Variants in CA9 observed in about 807,000 individuals in gnomAD.
CA9 encodes the protein carbonic anhydrase 9, also known as CA-IX.
Under a neutral mutation model 51.8 loss-of-function variants are expected in CA9, and 43 were observed. The observed-to-expected ratio is 0.83, with a 90% confidence interval of 0.65 to 1.07. The LOEUF (loss-of-function observed/expected upper bound fraction) is 1.07, where lower values mean the gene tolerates loss of function less well. Ranked by LOEUF, CA9 falls within the 50% of genes least tolerant of loss-of-function variation. CA9 has a pLI of 0.00. For synonymous variants in CA9, 253 were observed against 244.2 expected, an observed-to-expected ratio of 1.04 and a Z score of -0.34; for missense variants, 574 against 581.4, an observed-to-expected ratio of 0.99 and a Z score of 0.13.
Position 35,679,206 on chromosome 9 carries a change from G to A in CA9, c.929G>A (p.Gly310Glu). 6.2e-7 allele frequency: 1 copy of A among 1,614,106 alleles called. No individual in the cohort carries two copies. The highest frequency in any genetic ancestry group is 8.5e-7 in the Non-Finnish European group (1 of 1,180,018). ...AEEGSETQVP[G>E]LDISALLPSD... ...ACAGGCTCAGAGACTCAGGTCCCAG[G>A]ACTGGACATATCTGCACTCCTGCCC... is the stretch of plus-strand genomic sequence containing the variant. Residue 310 changes from glycine to glutamate, a missense_variant, in exon 7 of 11, where the codon GGA becomes GAA. Gly to Glu is a moderately conservative substitution (Grantham distance 98). Coordinates refer to ENST00000378357, the MANE Select transcript of CA9 (RefSeq NM_001216.3).
Position 35,676,087 on chromosome 9 carries a change from C to A in CA9, c.628C>A (p.Leu210Ile). The A allele has an allele frequency of 1.2e-6, 2 of 1,613,604 alleles. No homozygotes were observed. The highest frequency in any genetic ancestry group is 1.7e-6 in the Non-Finnish European group (2 of 1,179,874). The stretch of plus-strand genomic sequence containing the variant: ...AGTGCAACTGACCCTGCCTCCTGGG[C>A]TAGAGATGGCTCTGGGTCCCGGGCG... The part of the protein sequence containing the change: ...HSVQLTLPPG[L>I]EMALGPGREY... Residue 210 changes from leucine to isoleucine, a missense_variant, in exon 4 of 11, where the codon CTA (leucine) becomes ATA (isoleucine). Transcript: ENST00000378357.
chr9:35,679,118 T>A (rs1262681820), intron 6 of CA9, 67 bp from the exon 7 acceptor site: 1 of 1,557,554 alleles, frequency 6.4e-7, no homozygotes, highest in Non-Finnish European at 8.8e-7. Context: ...TGAAACTGTA[T>A]CCCTATACCC....
rs370421738 is a variant in CA9, at chr9:35,673,931, G to A, written c.-29G>A. The A allele has an allele frequency of 1.2e-5, 19 of 1,564,342 alleles. No individual in the cohort carries two copies. The highest frequency in any genetic ancestry group is 1.7e-4 in the Middle Eastern group (1 of 5,840). On this transcript the variant is annotated 5_prime_UTR_variant, in exon 1 of 11. It adds an upstream start codon to the 5' untranslated region. Coordinates refer to ENST00000378357, the MANE Select transcript of CA9 (RefSeq NM_001216.3). Reference sequence around the variant, plus strand: ...AATGCACGTACAGCCCGTACACACCGTGTGCTGGGACACCCCACAGTCAGC... The same window carrying A: ...AATGCACGTACAGCCCGTACACACCATGTGCTGGGACACCCCACAGTCAGC...
Position 35,676,053 on chromosome 9 carries a change from T to TC in CA9, c.605-8dup. The TC allele has an allele frequency of 6.2e-7, 1 of 1,612,790 alleles. No individual in the cohort carries two copies. Among genetic ancestry groups the TC allele is most frequent in the Non-Finnish European group, 8.5e-7 (1 of 1,179,682 alleles). ...CGGGCGGGGCCGGCTCACTTGCCTC[T>TC]CCCTACGCAGTGCAACTGACCCTGC... On this transcript the variant is annotated splice_polypyrimidine_tract_variant and intron_variant, in intron 3 of 10. Coordinates refer to ENST00000378357, the MANE Select transcript of CA9 (RefSeq NM_001216.3).
At position 35,681,082 on chromosome 9, in the gene CA9, T is replaced by C. The variant is rs1278535787; in HGVS notation, c.*57T>C. ...CCAGAGGCATCTGAGGGGGAGCCGGTAACTGTCCTGTCCTGCTCATTATGC... is the reference window on the plus strand; with the variant it reads ...CCAGAGGCATCTGAGGGGGAGCCGGCAACTGTCCTGTCCTGCTCATTATGC... On this transcript the variant is annotated 3_prime_UTR_variant, in exon 11 of 11. Transcript: ENST00000378357. The C allele has an allele frequency of 6.8e-7, 1 of 1,478,392 alleles. No homozygotes were observed. The highest frequency in any genetic ancestry group is 2.3e-5 in the East Asian group (1 of 44,260). 91.6% of individuals were successfully genotyped at this position (1,478,392 alleles called of 1,614,324 possible). A position where few individuals can be genotyped will look rare whatever the true frequency, so the allele number is the denominator to read the frequency against.
chr9:35,681,103 T>C lies in CA9; in HGVS notation c.*78T>C. The C allele has an allele frequency of 9.1e-7, 1 of 1,101,254 alleles. No homozygotes were observed. Among genetic ancestry groups the C allele is most frequent in the Non-Finnish European group, 1.3e-6 (1 of 780,266 alleles). The allele number at this position is 1,101,254 out of a possible 1,614,324, so 68.2% of individuals were successfully genotyped here. ...CCGGTAACTGTCCTGTCCTGCTCAT[T>C]ATGCCACTTCCTTTTAACTGCCAAG... On this transcript the variant is annotated 3_prime_UTR_variant, in exon 11 of 11. Coordinates refer to ENST00000378357, the MANE Select transcript of CA9 (RefSeq NM_001216.3).
chr9:35,675,770 C>T lies in CA9; in HGVS notation c.443C>T (p.Pro148Leu). 3 of 1,602,276 alleles carry T rather than the reference C, an allele frequency of 1.9e-6. No individual in the cohort carries two copies. In the South Asian group the frequency reaches 3.3e-5, roughly 18 times the overall value. Residue 148 changes from proline to leucine, a missense_variant, in exon 3 of 11, where the codon CCC becomes CTC. Coordinates refer to ENST00000378357, the MANE Select transcript of CA9 (RefSeq NM_001216.3). ...QSHWRYGGDPPWPRVSPACAG... is the reference protein window; with the variant it reads ...QSHWRYGGDPLWPRVSPACAG... ...TACTCTCCCACCCCAGGCGACCCGC[C>T]CTGGCCCCGGGTGTCCCCAGCCTGC...
In CA9 at chr9:35,680,982, G is replaced by A. The variant is rs201567832; in HGVS notation, c.1337G>A (p.Gly446Asp). 1.2e-6 allele frequency: 2 copies of A among 1,614,092 alleles called. No homozygotes were observed. Among genetic ancestry groups the A allele is most frequent in the East Asian group, 2.2e-5 (1 of 44,884 alleles). ...RRQHRRGTKGGVSYRPAEVAE... is the reference protein window; with the variant it reads ...RRQHRRGTKGDVSYRPAEVAE... ...ACACACAGAAGGGGAACCAAAGGGGGTGTGAGCTACCGCCCAGCAGAGGTA... is the reference window on the plus strand; with the variant it reads ...ACACACAGAAGGGGAACCAAAGGGGATGTGAGCTACCGCCCAGCAGAGGTA... Residue 446 changes from glycine (G) to aspartate (D), a missense_variant, in exon 11 of 11, where the codon GGT (glycine) becomes GAT (aspartate). Gly to Asp is a moderately conservative substitution (Grantham distance 94, BLOSUM62 -1). Coordinates refer to ENST00000378357, the MANE Select transcript of CA9 (RefSeq NM_001216.3).
At chr9:35,680,667 G>T in intron 9 of CA9, 86 bp from the exon 10 acceptor site, 1 of 1,078,732 alleles carries the variant, frequency 9.3e-7, no homozygotes, top group Non-Finnish European at 1.4e-6. Flanking sequence ...CGGGGCAGGG[G>T]TGGTGGAGTG....
At chr9:35,678,700 C>CTTTTTTTTTTTTT (rs71800585) in intron 6 of CA9, among the ~76,000 whole-genome samples, 3 of 131,966 alleles carry the variant, frequency 2.3e-5, no homozygotes, top group Non-Finnish European at 4.7e-5. Flanking sequence ...CTTTTCTTTT[C>CTTTTTTTTTTTTT]TTTTTTTTTT....
chr9:35,681,001 A>T lies in CA9; in HGVS notation c.1356A>T (p.Ala452=). The T allele has an allele frequency of 6.2e-7, 1 of 1,614,058 alleles. No individual in the cohort carries two copies. Among genetic ancestry groups the T allele is most frequent in the Admixed American group, 1.7e-5 (1 of 60,008 alleles). The change falls in exon 11 of 11, where the codon GCA becomes GCT. Residue 452 remains alanine (A), a synonymous_variant. Coordinates refer to ENST00000378357, the MANE Select transcript of CA9 (RefSeq NM_001216.3). ...GTKGGVSYRP[A]EVAETGA is the part of the protein sequence containing the mutation. Reference sequence around the variant, plus strand: ...AAGGGGGTGTGAGCTACCGCCCAGCAGAGGTAGCCGAGACTGGAGCCTAGA... The same window carrying T: ...AAGGGGGTGTGAGCTACCGCCCAGCTGAGGTAGCCGAGACTGGAGCCTAGA...
In CA9 at chr9:35,676,375, G is replaced by A; in HGVS notation, c.826G>A (p.Ala276Thr). 6.2e-7 allele frequency: 1 copy of A among 1,613,504 alleles called. No individual in the cohort carries two copies. The highest frequency in any genetic ancestry group is 1.1e-5 in the South Asian group (1 of 91,010). Residue 276 changes from alanine (A) to threonine (T), a missense_variant, in exon 5 of 11, where the codon GCC becomes ACC. By Grantham distance (58) the Ala-to-Thr change is moderately conservative. Coordinates refer to ENST00000378357, the MANE Select transcript of CA9 (RefSeq NM_001216.3). ...GCGCCCGGGAGGCCTGGCCGTGTTGGCCGCCTTTCTGGAGGTACCAGATCC... is the reference window on the plus strand; with the variant it reads ...GCGCCCGGGAGGCCTGGCCGTGTTGACCGCCTTTCTGGAGGTACCAGATCC... ...LGRPGGLAVLAAFLEEGPEEN... is the reference protein window; with the variant it reads ...LGRPGGLAVLTAFLEEGPEEN...
Position 35,680,853 on chromosome 9 carries a change from C to T in CA9, c.1319+19C>T, listed in dbSNP as rs778784331. The T allele has an allele frequency of 1.2e-6, 2 of 1,613,534 alleles. No homozygotes were observed. The highest frequency in any genetic ancestry group is 1.7e-5 in the Admixed American group (1 of 60,034). ...AGCACAGGTATTACACTGACCCTTTCTTCAGGCACAAGCTTCCCCCACCCT... is the reference window on the plus strand; with the variant it reads ...AGCACAGGTATTACACTGACCCTTTTTTCAGGCACAAGCTTCCCCCACCCT... On this transcript the variant is annotated intron_variant, in intron 10 of 10. Transcript: ENST00000378357.
intron 6 of CA9, 147 bp from the exon 7 acceptor site, chr9:35,679,038 G>A (rs567168559): frequency 5.5e-5 from 41 of 741,732 alleles, no homozygotes; most frequent in Middle Eastern, 2.6e-4. Context: ...TTTGAGTTAC[G>A]TCTTATGGGA....
At position 35,676,237 on chromosome 9, in the gene CA9, A is replaced by AGGAGCGGGGC. The variant is rs746251968; in HGVS notation, c.747+42_748-40dup. On this transcript the variant is annotated intron_variant, in intron 4 of 10. Transcript: ENST00000378357. ...CGCGGAGCTGGCCGAGAAGGGGCAA[A>AGGAGCGGGGC]GGAGCGGGGCGGAGCGGGGCCAGAG... 5.0e-6 allele frequency: 8 copies of AGGAGCGGGGC among 1,612,840 alleles called. No homozygotes were observed. In the South Asian group the frequency reaches 6.6e-5, roughly 13 times the overall value.
Position 35,679,300 on chromosome 9 carries a change from CT to C in CA9, c.1024del (p.Trp342GlyfsTer8), listed in dbSNP as rs760416220. 5 of 1,614,044 alleles carry C rather than the reference CT, an allele frequency of 3.1e-6. No homozygotes were observed. Among genetic ancestry groups the C allele is most frequent in the Non-Finnish European group, 4.2e-6 (5 of 1,180,028 alleles). On this transcript the variant is annotated frameshift_variant, in exon 7 of 11. Coordinates refer to ENST00000378357, the MANE Select transcript of CA9 (RefSeq NM_001216.3). LOFTEE classifies it high-confidence loss of function. ...TTPPCAQGVI[W>X]TVFNQTVMLS... is the part of the protein sequence containing the mutation. ...CACCGCCCTGTGCCCAGGGTGTCAT[CT>C]GGACTGTGTTTAACCAGACAGTGAT...
Position 35,674,370 on chromosome 9 carries a change from G to C in CA9, c.403+8G>C, listed in dbSNP as rs1459263294. On this transcript the variant is annotated splice_region_variant and intron_variant, in intron 1 of 10. Coordinates refer to ENST00000378357, the MANE Select transcript of CA9 (RefSeq NM_001216.3). The stretch of plus-strand genomic sequence containing the variant: ...CCCACAGGGACAAAGAAGGTAAGTG[G>C]TCATCAATCTCCAAATCCAGGTTCC... The C allele has an allele frequency of 2.5e-6, 4 of 1,601,398 alleles. No homozygotes were observed. The Admixed American group carries it at 6.9e-5, about 28-fold the overall frequency.
intron 6 of CA9, among the ~76,000 whole-genome samples, chr9:35,678,107 G>T (rs1412041113): frequency 2.0e-5 from 3 of 152,060 alleles, no homozygotes; most frequent in African/African-American, 7.2e-5. Context: ...AGCACTTTGG[G>T]AGGCCAAGGC....
At position 35,677,848 on chromosome 9, in the gene CA9, C is replaced by T. The variant is rs781223946; in HGVS notation, c.899C>T (p.Ala300Val). The change falls in exon 6 of 11, where the codon GCT (alanine) becomes GTT (valine). Residue 300 changes from alanine (A) to valine (V), a missense_variant. By Grantham distance (64) the Ala-to-Val change is moderately conservative. Transcript: ENST00000378357. ...TTGCTGTCTCGCTTGGAAGAAATCG[C>T]TGAGGAAGGTCAGTTTGTTGGTCTG... Reference protein sequence around the residue: ...EQLLSRLEEIAEEGSETQVPG... With the variant: ...EQLLSRLEEIVEEGSETQVPG... 4.3e-6 allele frequency: 7 copies of T among 1,613,864 alleles called. No individual in the cohort carries two copies. The highest frequency in any genetic ancestry group is 5.9e-6 in the Non-Finnish European group (7 of 1,179,866).
Sources: gnomAD v4.1 joint callset for allele counts (sites outside exome capture counted in the v4.1 genomes callset) on GRCh38, gnomAD v4.1.1 for gene constraint, MANE v1.5 for transcripts, NCBI Gene and HGNC (gene_info 2026-07-23, HGNC 2026-07-21) for gene names.